Variants in CTNNA2 observed in about 807,000 individuals in gnomAD.
The protein encoded by CTNNA2 is catenin alpha-2.
CTNNA2 carries 42 observed loss-of-function variants against 101.0 expected under a neutral mutation model. That is an observed-to-expected ratio of 0.42 (90% CI 0.32 to 0.54). The LOEUF (loss-of-function observed/expected upper bound fraction) is 0.54, where lower values mean the gene tolerates loss of function less well. Among genes scored for constraint, CTNNA2 ranks in the 20% least tolerant of loss-of-function variants. CTNNA2 has a pLI of 0.14. For missense variants in CTNNA2, 871 were observed against 1,223.1 expected (o/e 0.71, Z 4.29); for synonymous variants, 450 against 456.4 (o/e 0.99, Z 0.18).
At chr2:80,082,578 A>G (rs1558791038) in intron 7 of CTNNA2, among the ~76,000 whole-genome samples, 1 of 152,158 alleles carries the variant, frequency 6.6e-6, no homozygotes, top group Non-Finnish European at 1.5e-5. Context: ...TTCTGGATAA[A>G]TGAGATGGTA....
chr2:79,552,277 A>G (rs1037883580), intron 1 of CTNNA2, among the ~76,000 whole-genome samples: 3 of 152,170 alleles, frequency 2.0e-5, no homozygotes, highest in Admixed American at 1.3e-4. Context: ...TAAACCTAAA[A>G]GCTCCAAAGT....
chr2:79,321,793 G>GCACACACACA (rs59806501), intron 3 of CTNNA2, among the ~76,000 whole-genome samples: 83 of 149,174 alleles, frequency 5.6e-4, no homozygotes, highest in African/African-American at 1.7e-3. Context: ...CACTGTGTTT[G>GCACACACACA]CACACACACA....
chr2:79,729,510 A>G (rs965091551), intron 2 of CTNNA2, among the ~76,000 whole-genome samples: 5 of 152,098 alleles, frequency 3.3e-5, no homozygotes, highest in East Asian at 1.9e-4. Context: ...TTCCATACTA[A>G]TTATCCAGGG....
intron 7 of CTNNA2, among the ~76,000 whole-genome samples, chr2:80,073,555 A>C (rs1698484364): frequency 6.6e-6 from 1 of 152,084 alleles, no homozygotes; most frequent in Non-Finnish European, 1.5e-5. Flanking sequence ...AATTCACTGA[A>C]AATCTGCTTA....
At chr2:79,570,517 T>C (rs1675399268) in intron 1 of CTNNA2, among the ~76,000 whole-genome samples, 1 of 152,160 alleles carries the variant, frequency 6.6e-6, no homozygotes, top group Admixed American at 6.5e-5. Flanking sequence ...ATTTGCCGAT[T>C]GTAACCTATC....
At chr2:80,636,955 G>GGAGAA (rs1672951801) in intron 18 of CTNNA2, among the ~76,000 whole-genome samples, 1 of 152,022 alleles carries the variant, frequency 6.6e-6, no homozygotes, top group Non-Finnish European at 1.5e-5. Flanking sequence ...CATAAGTGTT[G>GGAGAA]GTATTTTCCT....
At chr2:79,640,430 A>T (rs1178830231) in intron 1 of CTNNA2, among the ~76,000 whole-genome samples, 1 of 152,194 alleles carries the variant, frequency 6.6e-6, no homozygotes, top group African/African-American at 2.4e-5. Flanking sequence ...TTTTTCCTGA[A>T]CAAAAATGGG....
intron 1 of CTNNA2, among the ~76,000 whole-genome samples, chr2:79,193,803 T>G (rs1371947815): frequency 6.6e-6 from 1 of 152,222 alleles, no homozygotes; most frequent in African/African-American, 2.4e-5. Context: ...ACAATTTATT[T>G]ATTGATGGAA....
chr2:80,529,813 T>C (rs1690371237), intron 9 of CTNNA2, among the ~76,000 whole-genome samples: 1 of 152,138 alleles, frequency 6.6e-6, no homozygotes. Flanking sequence ...AGACTGGCCA[T>C]TCACCCAGAC....
At chr2:80,186,314 C>G (rs1706125058) in intron 7 of CTNNA2, among the ~76,000 whole-genome samples, 1 of 152,200 alleles carries the variant, frequency 6.6e-6, no homozygotes, top group Non-Finnish European at 1.5e-5. Context: ...TATAGAAGGA[C>G]TCCATTGCTA....
At chr2:79,457,208 A>C (rs1276127828) in intron 4 of CTNNA2, among the ~76,000 whole-genome samples, 2 of 152,016 alleles carry the variant, frequency 1.3e-5, no homozygotes, top group South Asian at 4.2e-4. Flanking sequence ...TCTCAAAAAA[A>C]AAAAAAAAGA....
At chr2:80,025,669 A>G (rs1315300376) in intron 7 of CTNNA2, among the ~76,000 whole-genome samples, 1 of 152,178 alleles carries the variant, frequency 6.6e-6, no homozygotes, top group Non-Finnish European at 1.5e-5. Flanking sequence ...AAACACTTAA[A>G]ATTAAGTCTG....
intron 2 of CTNNA2, among the ~76,000 whole-genome samples, chr2:79,666,752 A>G (rs1682447782): frequency 6.6e-6 from 1 of 152,206 alleles, no homozygotes; most frequent in Non-Finnish European, 1.5e-5. Flanking sequence ...CTTCAGGAGT[A>G]AGAAATACTT....
intron 2 of CTNNA2, among the ~76,000 whole-genome samples, chr2:79,286,229 T>C (rs1407631390): frequency 6.6e-6 from 1 of 152,186 alleles, no homozygotes; most frequent in African/African-American, 2.4e-5. Flanking sequence ...CTGTGTCTTT[T>C]AATTGGAGCA....
intron 1 of CTNNA2, among the ~76,000 whole-genome samples, chr2:79,515,999 A>C (rs903107143): frequency 6.6e-6 from 1 of 152,184 alleles, no homozygotes; most frequent in Non-Finnish European, 1.5e-5. Flanking sequence ...CTTTGACCTC[A>C]GCTTACAGTC....
chr2:79,823,146 T>C (rs1678151254), intron 3 of CTNNA2, among the ~76,000 whole-genome samples: 1 of 152,210 alleles, frequency 6.6e-6, no homozygotes, highest in Non-Finnish European at 1.5e-5. Flanking sequence ...AACTTTTCAT[T>C]AGTTTTATTT....
At chr2:80,256,540 G>A (rs1412197014) in intron 7 of CTNNA2, among the ~76,000 whole-genome samples, 1 of 151,796 alleles carries the variant, frequency 6.6e-6, no homozygotes, top group Non-Finnish European at 1.5e-5. Flanking sequence ...CACCATCTAG[G>A]GAAAAAAAAT....
intron 3 of CTNNA2, among the ~76,000 whole-genome samples, chr2:79,751,625 A>G (rs551565827): frequency 6.6e-6 from 1 of 150,526 alleles, no homozygotes; most frequent in Admixed American, 6.6e-5. Flanking sequence ...AGAAAGAAAG[A>G]AGGAAATATG....
intron 6 of CTNNA2, among the ~76,000 whole-genome samples, chr2:79,908,476 G>C (rs1037242867): frequency 4.6e-5 from 7 of 152,202 alleles, no homozygotes; most frequent in African/African-American, 7.2e-5. Flanking sequence ...TCCTGCAGCA[G>C]GTCATTCTAC....
Sources: gnomAD v4.1 joint callset for allele counts (sites outside exome capture counted in the v4.1 genomes callset) on GRCh38, gnomAD v4.1.1 for gene constraint, MANE v1.5 for transcripts, NCBI Gene and HGNC (gene_info 2026-07-23, HGNC 2026-07-21) for gene names.